Variants in ADARB2 observed in about 807,000 individuals in gnomAD.
The protein encoded by ADARB2 is adenosine deaminase RNA specific B2 (inactive).
In ADARB2, 25 loss-of-function variants were observed where a neutral mutation model predicts 62.2. That is an observed-to-expected ratio of 0.40 (90% CI 0.29 to 0.56). The LOEUF is 0.56. ADARB2 is among the 20% of genes least tolerant of loss of function. The pLI is 0.43. For synonymous variants in ADARB2, 572 were observed against 500.8 expected (o/e 1.14, Z -1.90); for missense variants, 1,071 against 1,077.4 (o/e 0.99, Z 0.08).
At chr10:1,331,529 G>A (rs1383233544) in intron 3 of ADARB2, among the ~76,000 whole-genome samples, 1 of 152,202 alleles carries the variant, frequency 6.6e-6, no homozygotes, top group Non-Finnish European at 1.5e-5. Flanking sequence ...TACCTGAAAT[G>A]TCCAGAATAG....
chr10:1,619,830 G>A (rs1020797384), intron 1 of ADARB2, among the ~76,000 whole-genome samples: 1 of 152,072 alleles, frequency 6.6e-6, no homozygotes, highest in Non-Finnish European at 1.5e-5. Context: ...ACATTTAATA[G>A]AACTGGCATC....
chr10:1,736,743 C>T (rs1835307176), intron 1 of ADARB2, among the ~76,000 whole-genome samples: 1 of 152,230 alleles, frequency 6.6e-6, no homozygotes, highest in Non-Finnish European at 1.5e-5. Flanking sequence ...CCCGGCCGGC[C>T]ACTGGGGACT....
intron 1 of ADARB2, among the ~76,000 whole-genome samples, chr10:1,736,466 T>C (rs914018841): frequency 2.6e-5 from 4 of 152,230 alleles, no homozygotes; most frequent in African/African-American, 9.7e-5. Flanking sequence ...GATGCTTCTT[T>C]CTGTTTTCCT....
intron 1 of ADARB2, among the ~76,000 whole-genome samples, chr10:1,453,277 C>T (rs150608819): frequency 6.9e-4 from 105 of 152,276 alleles, no homozygotes; most frequent in Non-Finnish European, 1.1e-3. Flanking sequence ...AATGTGATGA[C>T]GTTCAATTTC....
intron 8 of ADARB2, among the ~76,000 whole-genome samples, chr10:1,191,800 G>A (rs1836848749): frequency 6.6e-6 from 1 of 152,208 alleles, no homozygotes; most frequent in South Asian, 2.1e-4. Context: ...TGATGAGATT[G>A]TGTGACCTTT....
chr10:1,602,577 C>A (rs1354928252), intron 1 of ADARB2, among the ~76,000 whole-genome samples: 1 of 152,184 alleles, frequency 6.6e-6, no homozygotes, highest in Non-Finnish European at 1.5e-5. Flanking sequence ...GCTATCCTGG[C>A]TATTTCCTCA....
At chr10:1,256,787 TTG>T (rs1342988486) in intron 4 of ADARB2, among the ~76,000 whole-genome samples, 3 of 152,150 alleles carry the variant, frequency 2.0e-5, no homozygotes, top group East Asian at 1.9e-4. Flanking sequence ...AATTAATAGA[TTG>T]AAAAGTCTAT....
chr10:1,602,200 A>T (rs973183502), intron 1 of ADARB2, among the ~76,000 whole-genome samples: 5 of 152,176 alleles, frequency 3.3e-5, no homozygotes, highest in African/African-American at 4.8e-5. Context: ...CCTGATGTGG[A>T]CTTTCAAACT....
intron 1 of ADARB2, among the ~76,000 whole-genome samples, chr10:1,380,577 T>C (rs767151452): frequency 2.6e-5 from 4 of 152,254 alleles, no homozygotes; most frequent in African/African-American, 4.8e-5. Context: ...AGGCTGAGCC[T>C]GTTTTCTCCT....
intron 7 of ADARB2, among the ~76,000 whole-genome samples, chr10:1,204,425 T>G (rs1235229881): frequency 6.6e-6 from 1 of 152,174 alleles, no homozygotes; most frequent in Non-Finnish European, 1.5e-5. Flanking sequence ...ATCACCTGAG[T>G]GCGTCTTAAC....
chr10:1,388,449 C>T (rs1387282729), intron 1 of ADARB2, among the ~76,000 whole-genome samples: 1 of 152,042 alleles, frequency 6.6e-6, no homozygotes, highest in Non-Finnish European at 1.5e-5. Context: ...ATCCTCATGG[C>T]ATGATCATAT....
chr10:1,267,256 A>G (rs563513049), intron 4 of ADARB2, among the ~76,000 whole-genome samples: 63 of 152,220 alleles, frequency 4.1e-4, no homozygotes, highest in Non-Finnish European at 7.6e-4. Flanking sequence ...ACTTCAAAAT[A>G]CTGAGGGAAA....
At chr10:1,293,745 T>G (rs1482801188) in intron 3 of ADARB2, among the ~76,000 whole-genome samples, 1 of 152,242 alleles carries the variant, frequency 6.6e-6, no homozygotes, top group Non-Finnish European at 1.5e-5. Flanking sequence ...GGGAAATAAA[T>G]CTGACACCAA....
chr10:1,549,952 C>G (rs1344134820), intron 1 of ADARB2, among the ~76,000 whole-genome samples: 2 of 152,186 alleles, frequency 1.3e-5, no homozygotes, highest in Non-Finnish European at 2.9e-5. Context: ...TGTTAATATG[C>G]AATACAAGCT....
intron 1 of ADARB2, among the ~76,000 whole-genome samples, chr10:1,735,949 T>G (rs1229330120): frequency 6.6e-6 from 1 of 152,178 alleles, no homozygotes; most frequent in Non-Finnish European, 1.5e-5. Context: ...CTTAGGCCAA[T>G]GCAAAGATGA....
intron 1 of ADARB2, among the ~76,000 whole-genome samples, chr10:1,491,536 T>C (rs1291926088): frequency 1.3e-5 from 2 of 152,216 alleles, no homozygotes; most frequent in African/African-American, 4.8e-5. Flanking sequence ...TCATCCTGCC[T>C]GACAATTAGC....
At chr10:1,375,237 G>A (rs968686452) in intron 2 of ADARB2, among the ~76,000 whole-genome samples, 1 of 152,224 alleles carries the variant, frequency 6.6e-6, no homozygotes, top group Non-Finnish European at 1.5e-5. Flanking sequence ...TCTGGGCGGT[G>A]GTCAGCAGAG....
chr10:1,553,623 G>A (rs914515006), intron 1 of ADARB2, among the ~76,000 whole-genome samples: 3 of 152,120 alleles, frequency 2.0e-5, no homozygotes, highest in African/African-American at 7.2e-5. Context: ...GAAACATCCC[G>A]GCTTCTTCTC....
chr10:1,206,967 C>T (rs910020761), intron 7 of ADARB2, among the ~76,000 whole-genome samples: 4 of 152,198 alleles, frequency 2.6e-5, no homozygotes, highest in East Asian at 3.8e-4. Context: ...GCGAAGGCAG[C>T]GGGGCTGCTG....
Sources: allele counts gnomAD v4.1 joint callset (sites outside exome capture counted in the v4.1 genomes callset), GRCh38; gene constraint gnomAD v4.1.1; transcripts MANE v1.5; gene names NCBI Gene and HGNC (gene_info 2026-07-23, HGNC 2026-07-21).